The following LRRC47 variants were observed in gnomAD, a reference collection of about 807,000 sequenced individuals.
The protein encoded by LRRC47 is leucine rich repeat containing 47, also known as leucine-rich repeat-containing protein 47.
In LRRC47, 31 loss-of-function variants were observed where a neutral mutation model predicts 40.9. The observed-to-expected ratio is 0.76, with a 90% CI of 0.57 to 1.02. The LOEUF (loss-of-function observed/expected upper bound fraction) is 1.02. LRRC47 is among the 50% of genes least tolerant of loss of function. LRRC47 has a pLI of 0.00. For missense variants in LRRC47, 726 were observed against 796.1 expected (o/e 0.91, Z 1.06); for synonymous variants, 427 against 371.9 (o/e 1.15, Z -1.70).
Position 3,787,148 on chromosome 1 carries a change from C to A in LRRC47, c.778G>T (p.Val260Phe). ...CCCTTCCCGCCACCACGGCCTCCGA[C>A]GCGCAGGTACTCCAGGATGGATCTG... The part of the protein sequence containing the change: ...QTRSILEYLR[V>F]GGRGGGKGKG... Residue 260 changes from valine to phenylalanine, a missense_variant, in exon 2 of 7, where the codon GTC (valine) becomes TTC (phenylalanine). By Grantham distance (50) the Val-to-Phe change is conservative. Coordinates refer to ENST00000378251, the MANE Select transcript of LRRC47 (RefSeq NM_020710.3). 6.2e-7 allele frequency: 1 copy of A among 1,613,854 alleles called. No individual in the cohort carries two copies. The highest frequency in any genetic ancestry group is 8.5e-7 in the Non-Finnish European group (1 of 1,180,044).
chr1:3,789,682 G>A (rs6657908), intron 1 of LRRC47, among the ~76,000 whole-genome samples: 13,602 of 152,282 alleles, frequency 0.089, 615 homozygotes, highest in Middle Eastern at 0.11. Flanking sequence ...TGGGGAGTCA[G>A]GGGACAGGAA....
intron 2 of LRRC47, among the ~76,000 whole-genome samples, chr1:3,786,386 G>A (rs2017435): frequency 0.12 from 18,409 of 152,070 alleles, 1,101 homozygotes; most frequent in Middle Eastern, 0.15. Flanking sequence ...TGTAATGCCA[G>A]CTACTCAGCA....
Position 3,796,107 on chromosome 1 carries a change from C to A in LRRC47, c.370G>T (p.Glu124Ter). The change falls in exon 1 of 7, where the codon GAG (glutamate) becomes TAG (stop). Residue 124 changes from glutamate to a stop codon, truncating the protein, a stop_gained. Coordinates refer to ENST00000378251, the MANE Select transcript of LRRC47 (RefSeq NM_020710.3). LOFTEE classifies it high-confidence loss of function. Reference protein sequence around the residue: ...LPPGQGLGPAEPPGLPQLQSL... With the variant: ...LPPGQGLGPA ...TGCAGCTGCGGAAGGCCCGGCGGCT[C>A]GGCGGGGCCCAGGCCTTGGCCCGGC... 1 of 1,461,546 alleles carries A rather than the reference C, an allele frequency of 6.8e-7. No homozygotes were observed. Among genetic ancestry groups the A allele is most frequent in the Non-Finnish European group, 9.0e-7 (1 of 1,115,580 alleles). 90.5% of individuals were successfully genotyped at this position (1,461,546 alleles called of 1,614,324 possible). A position where few individuals can be genotyped will look rare whatever the true frequency, so the allele number is the denominator to read the frequency against.
At chr1:3,781,991 T>G (rs1246048357) in intron 5 of LRRC47, among the ~76,000 whole-genome samples, 4 of 151,936 alleles carry the variant, frequency 2.6e-5, no homozygotes, top group African/African-American at 4.8e-5. Flanking sequence ...ATCAATCAAT[T>G]AAGCAGATGG....
rs1424043028 is a variant in LRRC47, at chr1:3,780,281, G to A, written c.*807C>T. Reference sequence around the variant, plus strand: ...GGAAAACCAAGTGTCCCAGCAGCATGACTGAACATCACTCACTTCCCCTAC... The same window carrying A: ...GGAAAACCAAGTGTCCCAGCAGCATAACTGAACATCACTCACTTCCCCTAC... On this transcript the variant is annotated 3_prime_UTR_variant, in exon 7 of 7. Transcript: ENST00000378251. 1 of 152,190 alleles carries A rather than the reference G, an allele frequency of 6.6e-6. No homozygotes were observed. The highest frequency in any genetic ancestry group is 2.4e-5 in the African/African-American group (1 of 41,446). The allele number at this position is 152,190 out of a possible 1,614,324, so 9.4% of individuals were successfully genotyped here. A position where few individuals can be genotyped will look rare whatever the true frequency, so the allele number is the denominator to read the frequency against.
intron 1 of LRRC47, among the ~76,000 whole-genome samples, chr1:3,793,915 G>A (rs772974371): frequency 6.6e-6 from 1 of 152,110 alleles, no homozygotes; most frequent in African/African-American, 2.4e-5. Flanking sequence ...AATAAAACTC[G>A]GCCGGGCGCG....
chr1:3,783,953 A>G, intron 4 of LRRC47, 43 bp downstream of exon 4: 1 of 1,518,420 alleles, frequency 6.6e-7, no homozygotes, highest in Non-Finnish European at 8.9e-7. Context: ...AGCATGCGGC[A>G]CTCCCCCGGG....
intron 2 of LRRC47, 34 bp downstream of exon 2, chr1:3,786,815 T>C (rs776527977): frequency 2.6e-6 from 4 of 1,535,844 alleles, no homozygotes; most frequent in Non-Finnish European, 3.5e-6. Context: ...CACACCTCTG[T>C]CCCAGTCATC....
At chr1:3,790,402 T>A (rs1643616651) in intron 1 of LRRC47, among the ~76,000 whole-genome samples, 1 of 152,200 alleles carries the variant, frequency 6.6e-6, no homozygotes, top group African/African-American at 2.4e-5. Flanking sequence ...AAGGATGTCT[T>A]TACTAAGGCA....
intron 6 of LRRC47, 34 bp downstream of exon 6, chr1:3,781,478 A>G (rs749116135): frequency 3.2e-5 from 52 of 1,603,456 alleles, no homozygotes; most frequent in Admixed American, 8.4e-5. Context: ...TCACGCTCAA[A>G]AGCGTTTCTC....
At chr1:3,794,020 T>C (rs946125966) in intron 1 of LRRC47, among the ~76,000 whole-genome samples, 1 of 151,898 alleles carries the variant, frequency 6.6e-6, no homozygotes, top group Non-Finnish European at 1.5e-5. Flanking sequence ...ACAGTGAAAC[T>C]CCATCTCTAC....
At position 3,787,422 on chromosome 1, in the gene LRRC47, T is replaced by G; in HGVS notation, c.616-112A>C. 3.8e-6 allele frequency: 4 copies of G among 1,063,952 alleles called. No individual in the cohort carries two copies. In the South Asian group the frequency reaches 6.6e-5, roughly 17 times the overall value. The allele number at this position is 1,063,952 out of a possible 1,614,324, so 65.9% of individuals were successfully genotyped here. A position where few individuals can be genotyped will look rare whatever the true frequency, so the allele number is the denominator to read the frequency against. ...TCACTCACAAGAGCCACCACTGGCC[T>G]GTCTGTGGGGACGCGTCCCTGGGGA... is the stretch of plus-strand genomic sequence containing the variant. On this transcript the variant is annotated intron_variant, in intron 1 of 6. Transcript: ENST00000378251.
chr1:3,796,201 G>A lies in LRRC47; in HGVS notation c.276C>T (p.Ser92=), dbSNP rs1570743672. ...LRRNALGPGL[S]PELGPLPALR... is the part of the protein sequence containing the mutation. ...GGGCAGGCAGCGGCCCGAGCTCGGG[G>A]CTCAGGCCGGGCCCCAGCGCGTTGC... The change falls in exon 1 of 7, where the codon AGC becomes AGT. Residue 92 remains serine (S), a synonymous_variant. Transcript: ENST00000378251. 4.9e-6 allele frequency: 7 copies of A among 1,433,956 alleles called. No homozygotes were observed. Among genetic ancestry groups the A allele is most frequent in the Middle Eastern group, 2.5e-4 (1 of 4,044 alleles). The allele number at this position is 1,433,956 out of a possible 1,614,324, so 88.8% of individuals were successfully genotyped here. A position where few individuals can be genotyped will look rare whatever the true frequency, so the allele number is the denominator to read the frequency against.
intron 1 of LRRC47, among the ~76,000 whole-genome samples, chr1:3,788,662 C>G (rs9424283): frequency 0.67 from 101,971 of 151,930 alleles, 35,759 homozygotes; most frequent in African/African-American, 0.89. Context: ...GCTGCTCAGA[C>G]ACGGGTAAGG....
At chr1:3,783,256 C>T (rs1643539103) in intron 4 of LRRC47, 1 of 154,316 alleles carries the variant, frequency 6.5e-6, no homozygotes, top group South Asian at 2.0e-4. Flanking sequence ...CCCGTCTCTA[C>T]TAAAAACACA....
rs141970178 is a variant in LRRC47, at chr1:3,794,668, T to C, written c.615+1194A>G. Among the ~76,000 whole-genome samples the C allele has an allele frequency of 2.6e-3, 398 of 152,088 alleles. 2 individuals are homozygous for C. Among genetic ancestry groups the C allele is most frequent in the African/African-American group, 9.2e-3 (382 of 41,516 alleles). On this transcript the variant is annotated intron_variant, in intron 1 of 6. Transcript: ENST00000378251. ...GTTTGTCTATATATCCTTATATAGATATGTTACTTGTAAAATGAGTTGCAA... is the reference window on the plus strand; with the variant it reads ...GTTTGTCTATATATCCTTATATAGACATGTTACTTGTAAAATGAGTTGCAA...
Position 3,782,220 on chromosome 1 carries a change from CTT to C in LRRC47, c.1413+439_1413+440del, listed in dbSNP as rs146141267. On this transcript the variant is annotated intron_variant, in intron 5 of 6. Transcript: ENST00000378251. ...TTAATTCTTTTTCTTTCTTCCTCTT[CTT>C]TTTTTTTTTCTGGAGACGGAGTTTC... Among the ~76,000 whole-genome samples, 1,176 of 147,490 alleles carry C rather than the reference CTT, an allele frequency of 8.0e-3. 8 individuals carry two copies. Among genetic ancestry groups the C allele is most frequent in the Middle Eastern group, 0.014 (4 of 286 alleles).
rs771780895 is a variant in LRRC47 at position 3,781,108 on chromosome 1, G to T, written c.1732C>A (p.His578Asn). Residue 578 changes from histidine to asparagine, a missense_variant, in exon 7 of 7, where the codon CAC becomes AAC. Transcript: ENST00000378251. ...TGGCGTCAGCGCACGACAGTCACGT[G>T]GGGAGGGGCAGTGGCCAGGTCGGCC... ...SKADLATAPP[H>N]VTVVR The T allele has an allele frequency of 1.9e-6, 3 of 1,613,982 alleles. No individual in the cohort carries two copies. The highest frequency in any genetic ancestry group is 2.7e-5 in the African/African-American group (2 of 75,056).
chr1:3,784,307 C>A, intron 3 of LRRC47, 196 bp from the exon 4 acceptor site: 1 of 574,398 alleles, frequency 1.7e-6, no homozygotes, highest in Non-Finnish European at 3.1e-6. Context: ...CCCGGGGAGA[C>A]CTGACGCCCA....
Sources: allele counts gnomAD v4.1 joint callset (sites outside exome capture counted in the v4.1 genomes callset), GRCh38; gene constraint gnomAD v4.1.1; transcripts MANE v1.5; gene names NCBI Gene and HGNC (gene_info 2026-07-23, HGNC 2026-07-21).